Variants in GBP7 observed in about 807,000 individuals in gnomAD.
GBP7 encodes guanylate-binding protein 7.
A neutral mutation model predicts 61.3 loss-of-function variants in GBP7; 43 were observed. The ratio of observed to expected loss-of-function variants is 0.70; its 90% CI spans 0.55 to 0.91. The LOEUF (loss-of-function observed/expected upper bound fraction) is 0.91. Among genes scored for constraint, GBP7 ranks in the 40% least tolerant of loss-of-function variants. The pLI, the probability that GBP7 is intolerant of heterozygous loss-of-function variation, is 0.00. For missense variants in GBP7, 717 were observed against 740.5 expected, an observed-to-expected ratio of 0.97 and a Z score of 0.37; for synonymous variants, 267 against 271.0, an observed-to-expected ratio of 0.99 and a Z score of 0.14.
chr1:89,157,962 A>G (rs766404792), intron 3 of GBP7, among the ~76,000 whole-genome samples: 4 of 152,242 alleles, frequency 2.6e-5, no homozygotes, highest in Admixed American at 6.5e-5. Flanking sequence ...AAAATCCTCA[A>G]TAAGATACTG....
intron 1 of GBP7, among the ~76,000 whole-genome samples, chr1:89,173,215 G>C (rs1457644989): frequency 1.3e-5 from 2 of 152,156 alleles, no homozygotes; most frequent in East Asian, 3.9e-4. Context: ...ATGGTACTTT[G>C]ACACCAATAT....
At chr1:89,165,335 A>G (rs890968866) in intron 2 of GBP7, among the ~76,000 whole-genome samples, 8 of 152,082 alleles carry the variant, frequency 5.3e-5, no homozygotes, top group Non-Finnish European at 8.8e-5. Flanking sequence ...TCCTGTCTCT[A>G]CTAAAATACA....
chr1:89,150,783 G>T (rs535329462), intron 5 of GBP7, among the ~76,000 whole-genome samples: 2 of 152,240 alleles, frequency 1.3e-5, no homozygotes, highest in Non-Finnish European at 2.9e-5. Flanking sequence ...AGTCAAAAAG[G>T]TACTTCTGGA....
In GBP7 at chr1:89,140,005, C is replaced by T. The variant is rs1157020952; in HGVS notation, c.1468+1541G>A. Among the ~76,000 whole-genome samples, 9 of 151,874 alleles carry T rather than the reference C, an allele frequency of 5.9e-5. No individual in the cohort carries two copies. The East Asian group carries it at 9.6e-4, about 16-fold the overall frequency. ...GACACATGGACACATATGTTTATTG[C>T]GGCACTATTCACAATAGCAAAGACT... On this transcript the variant is annotated intron_variant, in intron 9 of 10. Coordinates refer to ENST00000294671, the MANE Select transcript of GBP7 (RefSeq NM_207398.3).
At chr1:89,164,950 C>T (rs1314901229) in intron 2 of GBP7, 92 bp from the exon 3 acceptor site, 1 of 1,301,388 alleles carries the variant, frequency 7.7e-7, no homozygotes, top group African/African-American at 1.5e-5. Context: ...CGTTAAGTTC[C>T]TGGCAGGGGA....
chr1:89,143,910 A>C (rs1239454927), intron 8 of GBP7, among the ~76,000 whole-genome samples: 1 of 152,176 alleles, frequency 6.6e-6, no homozygotes, highest in East Asian at 1.9e-4. Flanking sequence ...TGGGGTTCGC[A>C]TGCAGGTTTG....
At chr1:89,174,194 C>T (rs539874776) in intron 1 of GBP7, among the ~76,000 whole-genome samples, 1 of 152,150 alleles carries the variant, frequency 6.6e-6, no homozygotes, top group Non-Finnish European at 1.5e-5. Flanking sequence ...ACAAACAATG[C>T]TGCAATGAAT....
chr1:89,169,767 T>C (rs919041751), intron 2 of GBP7, among the ~76,000 whole-genome samples: 2 of 152,226 alleles, frequency 1.3e-5, no homozygotes, highest in Non-Finnish European at 2.9e-5. Flanking sequence ...CAAAGACATT[T>C]AGTGTGTAAA....
At chr1:89,135,814 T>C (rs1462006617) in intron 9 of GBP7, among the ~76,000 whole-genome samples, 1 of 151,748 alleles carries the variant, frequency 6.6e-6, no homozygotes, top group East Asian at 1.9e-4. Flanking sequence ...CACATATCAA[T>C]ATTAACTTTG....
chr1:89,171,773 T>C lies in GBP7; in HGVS notation c.163A>G (p.Met55Val), dbSNP rs573783368. The C allele has an allele frequency of 1.2e-6, 2 of 1,612,978 alleles. No homozygotes were observed. Among genetic ancestry groups the C allele is most frequent in the East Asian group, 2.2e-5 (1 of 44,856 alleles). ...TTGTTCTTCCCAGCCAGCTTGTTCA[T>C]TAGGTAGGATTTGCCTGTGCGGTAG... ...GLYRTGKSYLMNKLAGKNKGF... is the reference protein window; with the variant it reads ...GLYRTGKSYLVNKLAGKNKGF... The change falls in exon 2 of 11, where the codon ATG (methionine) becomes GTG (valine). Residue 55 changes from methionine to valine, a missense_variant. Coordinates refer to ENST00000294671, the MANE Select transcript of GBP7 (RefSeq NM_207398.3).
chr1:89,165,368 T>TGCAC (rs1318670363), intron 2 of GBP7, among the ~76,000 whole-genome samples: 2 of 152,006 alleles, frequency 1.3e-5, no homozygotes, highest in African/African-American at 2.4e-5. Context: ...GGCATGGTCG[T>TGCAC]GCACGCCTGT....
Position 89,149,720 on chromosome 1 carries a change from A to G in GBP7, c.872-148T>C, listed in dbSNP as rs577282017. The stretch of plus-strand genomic sequence containing the variant: ...TCCTTCTTTCAATTCTACTATTACT[A>G]CTACTACTTTTTATGGAGTCACTTT... On this transcript the variant is annotated intron_variant, in intron 6 of 10. Transcript: ENST00000294671. 3.7e-4 allele frequency: 226 copies of G among 615,376 alleles called. 3 individuals carry two copies. In the East Asian group the frequency reaches 6.3e-3, roughly 17 times the overall value. 38.1% of individuals were successfully genotyped at this position (615,376 alleles called of 1,614,324 possible).
chr1:89,163,007 C>T (rs1020835617), intron 3 of GBP7, among the ~76,000 whole-genome samples: 1 of 152,122 alleles, frequency 6.6e-6, no homozygotes, highest in Admixed American at 6.5e-5. Flanking sequence ...TTTTCTGCAT[C>T]TATTGAGATA....
Position 89,152,679 on chromosome 1 carries a change from C to A in GBP7, c.417G>T (p.Leu139=). ...NSMGTINHQA[L]EQLHYVTELT... is the part of the protein sequence containing the mutation. Reference sequence around the variant, plus strand: ...TCCTGGAAGGATACTGCAGCTGCTCCAGGGCCTGGTGGTTGATGGTGCCCA... The same window carrying A: ...TCCTGGAAGGATACTGCAGCTGCTCAAGGGCCTGGTGGTTGATGGTGCCCA... The change falls in exon 4 of 11, where the codon CTG becomes CTT. Residue 139 remains leucine, a synonymous_variant. Coordinates refer to ENST00000294671, the MANE Select transcript of GBP7 (RefSeq NM_207398.3). 1 of 1,612,604 alleles carries A rather than the reference C, an allele frequency of 6.2e-7. No individual in the cohort carries two copies. Among genetic ancestry groups the A allele is most frequent in the Non-Finnish European group, 8.5e-7 (1 of 1,179,902 alleles).
At chr1:89,142,173 A>G (rs988501936) in intron 8 of GBP7, among the ~76,000 whole-genome samples, 4 of 152,118 alleles carry the variant, frequency 2.6e-5, no homozygotes, top group African/African-American at 9.7e-5. Context: ...TAATTTAAAA[A>G]GTTAAAACCT....
At chr1:89,140,460 G>GAAAAAA (rs56788095) in intron 9 of GBP7, among the ~76,000 whole-genome samples, 1 of 143,854 alleles carries the variant, frequency 7.0e-6, no homozygotes. Flanking sequence ...AAAAAAAACT[G>GAAAAAA]AAAAAAAAAA....
At chr1:89,173,219 C>T (rs1484052367) in intron 1 of GBP7, among the ~76,000 whole-genome samples, 2 of 152,140 alleles carry the variant, frequency 1.3e-5, no homozygotes, top group African/African-American at 2.4e-5. Context: ...TACTTTGACA[C>T]CAATATATCA....
Position 89,171,813 on chromosome 1 carries a change from C to A in GBP7, c.123G>T (p.Val41=). 6.2e-7 allele frequency: 1 copy of A among 1,613,754 alleles called. No homozygotes were observed. The highest frequency in any genetic ancestry group is 8.5e-7 in the Non-Finnish European group (1 of 1,179,926). ...CTGTGCGGTAGAGGCCCACAATTGC[C>A]ACCACTACTACAGGCTGTGTAATGG... ...LSAITQPVVV[V]AIVGLYRTGK... Residue 41 remains valine (V), a synonymous_variant, in exon 2 of 11, where the codon GTG becomes GTT. Transcript: ENST00000294671.
intron 5 of GBP7, among the ~76,000 whole-genome samples, chr1:89,151,145 G>A (rs1324323473): frequency 6.6e-6 from 1 of 151,992 alleles, no homozygotes; most frequent in Non-Finnish European, 1.5e-5. Flanking sequence ...GTATATTAGA[G>A]CCCTAGACTT....
Sources: gnomAD v4.1 joint callset for allele counts (sites outside exome capture counted in the v4.1 genomes callset) on GRCh38, gnomAD v4.1.1 for gene constraint, MANE v1.5 for transcripts, NCBI Gene and HGNC (gene_info 2026-07-23, HGNC 2026-07-21) for gene names.